The following BAHCC1 variants were observed in gnomAD, a reference collection of about 807,000 sequenced individuals.
BAHCC1 encodes BAH and coiled-coil domain-containing protein 1.
BAHCC1 carries 43 observed loss-of-function variants against 88.2 expected under a neutral mutation model. The observed-to-expected ratio is 0.49, with a 90% confidence interval of 0.38 to 0.63. BAHCC1 has a LOEUF of 0.63. BAHCC1 is among the 20% of genes least tolerant of loss of function. The pLI is 0.00. For synonymous variants in BAHCC1, 1,510 were observed against 745.5 expected (o/e 2.03, Z -16.71); for missense variants, 3,023 against 1,654.8 (o/e 1.83, Z -14.34).
At position 81,458,368 on chromosome 17, in the gene BAHCC1, T is replaced by A; in HGVS notation, c.5245T>A (p.Ser1749Thr). ...CAGCAGGGACGCCCTCTTCAACCCCTCTCGGGCCTTCGCCTGCCGTGAGGA... is the reference window on the plus strand; with the variant it reads ...CAGCAGGGACGCCCTCTTCAACCCCACTCGGGCCTTCGCCTGCCGTGAGGA... ...TPSRDALFNP[S>T]RAFACREEGS... is the part of the protein sequence containing the mutation. The change falls in exon 18 of 28, where the codon TCT becomes ACT. Residue 1749 changes from serine to threonine, a missense_variant. Ser to Thr is a moderately conservative substitution (Grantham distance 58). Transcript: ENST00000675386. The A allele has an allele frequency of 1.4e-6, 1 of 724,706 alleles. No individual in the cohort carries two copies. The highest frequency in any genetic ancestry group is 2.5e-6 in the Non-Finnish European group (1 of 394,242). 44.9% of individuals were successfully genotyped at this position (724,706 alleles called of 1,614,324 possible). A position where few individuals can be genotyped will look rare whatever the true frequency, so the allele number is the denominator to read the frequency against.
chr17:81,458,110 C>T (rs1270541837), intron 17 of BAHCC1, 55 bp from the exon 18 acceptor site: 2 of 709,266 alleles, frequency 2.8e-6, no homozygotes, highest in East Asian at 2.7e-5. Flanking sequence ...GTCAGCCCAA[C>T]CAGCCGGGTC....
intron 5 of BAHCC1, 105 bp downstream of exon 5, chr17:81,443,669 G>A: frequency 3.2e-6 from 2 of 632,472 alleles, no homozygotes; most frequent in East Asian, 2.7e-5. Flanking sequence ...GCCCTTGGCA[G>A]ACCCTCCGAG....
intron 2 of BAHCC1, among the ~76,000 whole-genome samples, chr17:81,420,064 G>A (rs1354400804): frequency 6.6e-6 from 1 of 152,120 alleles, no homozygotes; most frequent in Non-Finnish European, 1.5e-5. Flanking sequence ...GTGGGTCCTC[G>A]GGACCCTGGA....
chr17:81,402,169 C>A (rs1598447518), intron 2 of BAHCC1: 1 of 152,130 alleles, frequency 6.6e-6, no homozygotes, highest in African/African-American at 2.4e-5. Flanking sequence ...GTCATGTGTC[C>A]CCGTCCCTGG....
intron 2 of BAHCC1, among the ~76,000 whole-genome samples, chr17:81,425,666 TGGTGATGGTG>T (rs1418038612): frequency 1.0e-4 from 1 of 9,994 alleles, no homozygotes; most frequent in Non-Finnish European, 2.5e-4. Flanking sequence ...ATGTGGTTGG[TGGTGATGGTG>T]GGTGATGTGG....
intron 27 of BAHCC1, 130 bp downstream of exon 27, chr17:81,463,106 C>T (rs575338732): frequency 1.4e-4 from 89 of 622,696 alleles, no homozygotes; most frequent in African/African-American, 9.3e-4. Flanking sequence ...GCAGGTACCA[C>T]GGCCCTGCAG....
chr17:81,451,598 T>G (rs1380876749), intron 11 of BAHCC1, 70 bp from the exon 12 acceptor site: 1 of 686,404 alleles, frequency 1.5e-6, no homozygotes, highest in Non-Finnish European at 2.7e-6. Flanking sequence ...GGGCCAGGGC[T>G]GACATCAAGA....
rs1387222369 is a variant in BAHCC1, at chr17:81,442,608, G to T, written c.1259G>T (p.Gly420Val). 3.9e-6 allele frequency: 3 copies of T among 775,658 alleles called. No individual in the cohort carries two copies. The Admixed American group carries it at 5.1e-5, about 13-fold the overall frequency. The allele number at this position is 775,658 out of a possible 1,614,324, so 48.0% of individuals were successfully genotyped here. Residue 420 changes from glycine (G) to valine (V), a missense_variant, in exon 5 of 28, where the codon GGC (glycine) becomes GTC (valine). Coordinates refer to ENST00000675386, the MANE Select transcript of BAHCC1 (RefSeq NM_001377448.1). ...AAEACAVAGEGKDRHLEGTMA... is the reference protein window; with the variant it reads ...AAEACAVAGEVKDRHLEGTMA... Reference sequence around the variant, plus strand: ...GAGGCCTGTGCCGTGGCAGGGGAGGGCAAGGACCGGCACCTGGAGGGAACC... The same window carrying T: ...GAGGCCTGTGCCGTGGCAGGGGAGGTCAAGGACCGGCACCTGGAGGGAACC...
chr17:81,438,029 C>A (rs2064359473), intron 3 of BAHCC1, among the ~76,000 whole-genome samples: 2 of 152,232 alleles, frequency 1.3e-5, no homozygotes, highest in African/African-American at 4.8e-5. Flanking sequence ...CACCGTGCCC[C>A]CTCCTCCCAC....
intron 17 of BAHCC1, among the ~76,000 whole-genome samples, chr17:81,457,934 AGGGAGGGCAGGGGTTGCTGGGTAACCGGG>A (rs2064781595): frequency 7.4e-5 from 4 of 54,144 alleles, no homozygotes; most frequent in Middle Eastern, 0.015. Flanking sequence ...GGTAACCAGG[AGGGAGGGCAGGGGTTGCTGGGTAACCGGG>A]GGGAGGGCAG....
chr17:81,457,669 G>T, intron 17 of BAHCC1, 77 bp downstream of exon 17: 1 of 627,038 alleles, frequency 1.6e-6, no homozygotes, highest in Non-Finnish European at 2.9e-6. Context: ...AGGAGGGAGG[G>T]CAGGGGTTGC....
intron 2 of BAHCC1, among the ~76,000 whole-genome samples, chr17:81,423,040 C>T (rs1488869336): frequency 6.6e-6 from 1 of 152,176 alleles, no homozygotes; most frequent in East Asian, 1.9e-4. Context: ...CAGTCCCAGC[C>T]TTGTGGTCCG....
chr17:81,434,937 T>C lies in BAHCC1; in HGVS notation c.359-3433T>C, dbSNP rs1341529686. On this transcript the variant is annotated intron_variant, in intron 3 of 27. Transcript: ENST00000675386. The surrounding 1 kb of genome is among the most constrained non-coding windows in gnomAD (Gnocchi z 4.9). Reference sequence around the variant, plus strand: ...GCAGCCAGGGCTGGTGCACCCTGGGTGGGGGCTCCTCCTCCCTCCCCAGGG... The same window carrying C: ...GCAGCCAGGGCTGGTGCACCCTGGGCGGGGGCTCCTCCTCCCTCCCCAGGG... 3.3e-5 allele frequency among the ~76,000 whole-genome samples: 5 copies of C among 151,916 alleles called. No homozygotes were observed. The highest frequency in any genetic ancestry group is 1.2e-4 in the African/African-American group (5 of 41,332).
chr17:81,445,298 G>T (rs934256304), intron 9 of BAHCC1, 56 bp from the exon 10 acceptor site: 2 of 732,858 alleles, frequency 2.7e-6, no homozygotes, highest in Non-Finnish European at 5.1e-6. Context: ...CAAGCAGGGG[G>T]CCCACTGGGG....
rs556970410 is a variant in BAHCC1, at chr17:81,445,080, A to G, written c.2737A>G (p.Met913Val). The G allele has an allele frequency of 3.8e-4, 292 of 770,660 alleles. 3 individuals carry two copies. The highest frequency in any genetic ancestry group is 3.8e-3 in the South Asian group (275 of 72,856). 47.7% of individuals were successfully genotyped at this position (770,660 alleles called of 1,614,324 possible). ...MYGGRGPASH[M>V]QHPGQLPVYS... ...CGGGGGCCGGGGCCCCGCCTCTCAC[A>G]TGCAGCACCCGGGCCAGCTCCCTGT... Residue 913 changes from methionine (M) to valine (V), a missense_variant, in exon 9 of 28, where the codon ATG (methionine) becomes GTG (valine). Transcript: ENST00000675386.
Position 81,461,450 on chromosome 17 carries a change from C to A in BAHCC1, c.6787C>A (p.Pro2263Thr), listed in dbSNP as rs782142804. The change falls in exon 26 of 28, where the codon CCC (proline) becomes ACC (threonine). Residue 2263 changes from proline (P) to threonine (T), a missense_variant. Physicochemically the swap from Pro to Thr is conservative, Grantham distance 38. Transcript: ENST00000675386. ...GKDKKGRAPI[P>T]PLPMGLALRK... ...GGACAAGAAGGGGCGGGCACCCATC[C>A]CCCCGCTGCCCATGGGGCTGGCGCT... The A allele has an allele frequency of 9.5e-6, 7 of 739,794 alleles. No individual in the cohort carries two copies. Among genetic ancestry groups the A allele is most frequent in the Non-Finnish European group, 1.5e-5 (6 of 399,082 alleles). The allele number at this position is 739,794 out of a possible 1,614,324, so 45.8% of individuals were successfully genotyped here.
intron 2 of BAHCC1, among the ~76,000 whole-genome samples, chr17:81,424,566 T>G (rs2064151783): frequency 6.6e-6 from 1 of 152,048 alleles, no homozygotes; most frequent in Non-Finnish European, 1.5e-5. Context: ...GATGATGATA[T>G]GGTTGTTGTG....
At position 81,434,291 on chromosome 17, in the gene BAHCC1, A is replaced by T. The variant is rs111694099; in HGVS notation, c.359-4079A>T. Among the ~76,000 whole-genome samples the T allele has an allele frequency of 0.053, 8,014 of 152,208 alleles. 278 individuals carry two copies. The highest frequency in any genetic ancestry group is 0.12 in the Middle Eastern group (36 of 294). On this transcript the variant is annotated intron_variant, in intron 3 of 27. Transcript: ENST00000675386. This position sits in a 1 kb window ranked among gnomAD's most constrained non-coding sequence, Gnocchi z 4.9. ...GGGGCCACGCCCAGCTGACTGCATG[A>T]CCCACTGCCCGCCCAGCCAGGCGCA...
At chr17:81,424,970 GT>G (rs2064159088) in intron 2 of BAHCC1, among the ~76,000 whole-genome samples, 1 of 147,564 alleles carries the variant, frequency 6.8e-6, no homozygotes, top group Non-Finnish European at 1.5e-5. Flanking sequence ...GCATGATGTG[GT>G]TGGTGTGATG....
Sources: allele counts gnomAD v4.1 joint callset (sites outside exome capture counted in the v4.1 genomes callset), GRCh38; gene constraint gnomAD v4.1.1; non-coding constraint Gnocchi (gnomAD v3.1); transcripts MANE v1.5; gene names NCBI Gene and HGNC (gene_info 2026-07-23, HGNC 2026-07-21).